Variants in XPR1 observed in about 807,000 individuals in gnomAD.
XPR1 encodes the protein xenotropic and polytropic retrovirus receptor 1, also known as solute carrier family 53 member 1.
Under a neutral mutation model 87.5 loss-of-function variants are expected in XPR1, and 28 were observed. The ratio of observed to expected loss-of-function variants is 0.32; its 90% confidence interval spans 0.24 to 0.44. The LOEUF is 0.44. XPR1 is among the 20% of genes least tolerant of loss of function. XPR1 has a pLI of 1.00. For synonymous variants in XPR1, 300 were observed against 306.1 expected, an observed-to-expected ratio of 0.98 and a Z score of 0.21; for missense variants, 559 against 862.3, an observed-to-expected ratio of 0.65 and a Z score of 4.41.
chr1:180,780,095 ATAT>A (rs1648879601), intron 2 of XPR1, among the ~76,000 whole-genome samples: 1 of 152,122 alleles, frequency 6.6e-6, no homozygotes. Flanking sequence ...CTACTTTTTG[ATAT>A]TATAAATAAT....
chr1:180,716,927 A>C (rs1658016011), intron 2 of XPR1, among the ~76,000 whole-genome samples: 1 of 152,208 alleles, frequency 6.6e-6, no homozygotes, highest in African/African-American at 2.4e-5. Context: ...ATATTCAGTA[A>C]TCTGCTCGTC....
intron 2 of XPR1, among the ~76,000 whole-genome samples, chr1:180,720,849 C>T (rs977405330): frequency 2.0e-5 from 3 of 152,142 alleles, no homozygotes; most frequent in African/African-American, 7.2e-5. Flanking sequence ...GAGTTATGTG[C>T]CCTTATCATG....
intron 7 of XPR1, among the ~76,000 whole-genome samples, chr1:180,811,896 A>G (rs567390225): frequency 4.6e-5 from 7 of 152,250 alleles, no homozygotes; most frequent in African/African-American, 1.7e-4. Flanking sequence ...TTCAGAATCT[A>G]TTTACAATTA....
chr1:180,654,608 T>C (rs1655394519), intron 1 of XPR1, among the ~76,000 whole-genome samples: 1 of 152,164 alleles, frequency 6.6e-6, no homozygotes, highest in Admixed American at 6.5e-5. Context: ...ACCATTCTAC[T>C]TTCTGTCTTC....
At chr1:180,670,685 T>C (rs78025643) in intron 1 of XPR1, among the ~76,000 whole-genome samples, 2,165 of 152,328 alleles carry the variant, frequency 0.014, 39 homozygotes, top group African/African-American at 0.049. Context: ...CCCATATATT[T>C]ATCTTTATTG....
intron 1 of XPR1, among the ~76,000 whole-genome samples, chr1:180,667,134 C>G (rs1655989743): frequency 6.6e-6 from 1 of 152,148 alleles, no homozygotes; most frequent in Non-Finnish European, 1.5e-5. Flanking sequence ...GGCCTGGTCT[C>G]AAACTCCTGA....
chr1:180,811,525 C>A (rs751155638), intron 7 of XPR1, 37 bp downstream of exon 7: 15 of 1,524,520 alleles, frequency 9.8e-6, no homozygotes, highest in Non-Finnish European at 1.3e-5. Flanking sequence ...TTATTCTTAC[C>A]AATATGCCTG....
Position 180,787,869 on chromosome 1 carries a change from G to A in XPR1, c.223+15G>A, listed in dbSNP as rs1292155516. The A allele has an allele frequency of 1.9e-6, 3 of 1,567,718 alleles. No individual in the cohort carries two copies. The highest frequency in any genetic ancestry group is 1.8e-5 in the Admixed American group (1 of 54,756). ...ATTTTATTCAGGTGAGTAATTAAGA[G>A]ACTTTTTTTTTTGCTGCCGGGGAAG... On this transcript the variant is annotated intron_variant, in intron 3 of 14. Coordinates refer to ENST00000367590, the MANE Select transcript of XPR1 (RefSeq NM_004736.4).
chr1:180,644,485 C>T (rs1655050478), intron 1 of XPR1, among the ~76,000 whole-genome samples: 1 of 149,690 alleles, frequency 6.7e-6, no homozygotes, highest in Non-Finnish European at 1.5e-5. Context: ...TCTATCTTCT[C>T]ATCTATTGTA....
intron 2 of XPR1, among the ~76,000 whole-genome samples, chr1:180,740,109 C>T (rs572539493): frequency 1.2e-4 from 19 of 152,270 alleles, no homozygotes; most frequent in South Asian, 1.0e-3. Context: ...ATTGTCTACA[C>T]GGTCATCTTG....
intron 7 of XPR1, among the ~76,000 whole-genome samples, chr1:180,813,040 T>C (rs75498802): frequency 0.068 from 9,298 of 136,182 alleles, 334 homozygotes; most frequent in East Asian, 0.16. Context: ...GTGTCTTTTT[T>C]CCCCCCCCCC....
chr1:180,695,006 C>T (rs1454324636), intron 2 of XPR1, among the ~76,000 whole-genome samples: 1 of 152,050 alleles, frequency 6.6e-6, no homozygotes, highest in African/African-American at 2.4e-5. Context: ...AATTTACATT[C>T]CCACCAACAG....
chr1:180,707,763 T>C (rs1429455179), intron 2 of XPR1, among the ~76,000 whole-genome samples: 1 of 152,234 alleles, frequency 6.6e-6, no homozygotes, highest in African/African-American at 2.4e-5. Flanking sequence ...TCCTAATCTT[T>C]TGTGCAAAAT....
chr1:180,733,476 A>C (rs1658625693), intron 2 of XPR1, among the ~76,000 whole-genome samples: 1 of 152,234 alleles, frequency 6.6e-6, no homozygotes, highest in African/African-American at 2.4e-5. Flanking sequence ...GTAGATACAG[A>C]GGGTAAAAAG....
At chr1:180,879,434 C>T (rs1047261627) in intron 13 of XPR1, among the ~76,000 whole-genome samples, 1 of 152,228 alleles carries the variant, frequency 6.6e-6, no homozygotes, top group Non-Finnish European at 1.5e-5. Flanking sequence ...TTCCACCCCT[C>T]CATCATTATC....
At chr1:180,761,352 A>C (rs1648021009) in intron 2 of XPR1, among the ~76,000 whole-genome samples, 1 of 152,234 alleles carries the variant, frequency 6.6e-6, no homozygotes, top group Non-Finnish European at 1.5e-5. Context: ...AGTGGGAGAA[A>C]ATTTTCGCAA....
At chr1:180,803,687 T>A (rs1167893172) in intron 4 of XPR1, 76 bp downstream of exon 4, 1 of 1,282,576 alleles carries the variant, frequency 7.8e-7, no homozygotes, top group Non-Finnish European at 1.1e-6. Flanking sequence ...TACCCTAAAG[T>A]ATTACCAGTG....
At position 180,784,377 on chromosome 1, in the gene XPR1, A is replaced by G. The variant is rs1281306817; in HGVS notation, c.122-3376A>G. 4.6e-5 allele frequency among the ~76,000 whole-genome samples: 7 copies of G among 152,008 alleles called. 1 individual carries two copies. Among genetic ancestry groups the G allele is most frequent in the Non-Finnish European group, 1.0e-4 (7 of 67,956 alleles). ...ATTGGCCATTTATATTTCTTTTTCT[A>G]TGAAATGCTGTAATTTACCTACTTA... is the stretch of plus-strand genomic sequence containing the variant. On this transcript the variant is annotated intron_variant, in intron 2 of 14. Coordinates refer to ENST00000367590, the MANE Select transcript of XPR1 (RefSeq NM_004736.4).
intron 2 of XPR1, among the ~76,000 whole-genome samples, chr1:180,752,335 C>G (rs1234482013): frequency 6.6e-6 from 1 of 151,992 alleles, no homozygotes; most frequent in African/African-American, 2.4e-5. Flanking sequence ...TTAGTTGATT[C>G]TCTGGTATAA....
Sources: gnomAD v4.1 joint callset for allele counts (sites outside exome capture counted in the v4.1 genomes callset) on GRCh38, gnomAD v4.1.1 for gene constraint, MANE v1.5 for transcripts, NCBI Gene and HGNC (gene_info 2026-07-23, HGNC 2026-07-21) for gene names.